The following MTR variants were observed in gnomAD, a reference collection of about 807,000 sequenced individuals.
MTR encodes the protein 5-methyltetrahydrofolate-homocysteine methyltransferase.
MTR carries 84 observed loss-of-function variants against 154.8 expected under a neutral mutation model. The observed-to-expected ratio is 0.54, with a 90% CI of 0.45 to 0.65. The LOEUF (loss-of-function observed/expected upper bound fraction) is 0.65. Ranked by LOEUF, MTR falls within the 30% of genes least tolerant of loss-of-function variation. MTR has a pLI of 0.00. For synonymous variants in MTR, 554 were observed against 553.9 expected, an observed-to-expected ratio of 1.00 and a Z score of 0.00; for missense variants, 1,275 against 1,570.2, an observed-to-expected ratio of 0.81 and a Z score of 3.18.
At chr1:236,831,891 A>G in intron 12 of MTR, 75 bp from the exon 13 acceptor site, 1 of 1,053,234 alleles carries the variant, frequency 9.5e-7, no homozygotes, top group Non-Finnish European at 1.5e-6. Context: ...TTCTTATTGA[A>G]TACATTTGTG....
In MTR at chr1:236,862,261, A is replaced by G; in HGVS notation, c.2222A>G (p.Lys741Arg). The change falls in exon 21 of 33, where the codon AAG (lysine) becomes AGG (arginine). Residue 741 changes from lysine (K) to arginine (R), a missense_variant. Transcript: ENST00000366577. ...GTTATAAAGTCAGCCCGGGTTATGA[A>G]GAAGGCTGTTGGCCACCTTATCCCT... ...PQVIKSARVM[K>R]KAVGHLIPFM... 1 of 1,614,042 alleles carries G rather than the reference A, an allele frequency of 6.2e-7. No individual in the cohort carries two copies.
chr1:236,849,084 T>C (rs1663751109), intron 15 of MTR, among the ~76,000 whole-genome samples: 2 of 152,238 alleles, frequency 1.3e-5, no homozygotes, highest in South Asian at 4.1e-4. Flanking sequence ...TAATCATTTT[T>C]TAAGAGTAGA....
intron 22 of MTR, among the ~76,000 whole-genome samples, chr1:236,865,096 T>C (rs1159730237): frequency 2.6e-5 from 4 of 152,320 alleles, no homozygotes; most frequent in South Asian, 2.1e-4. Flanking sequence ...CCAGGGAACA[T>C]TGTGGCATTT....
rs991512593 is a variant in MTR, at chr1:236,816,014, G to C, written c.669+351G>C. ...TACCCAACACCTAAGACACCAGACT[G>C]CCAATTTATTAACTCAGTAGGCAGA... On this transcript the variant is annotated intron_variant, in intron 7 of 32. Transcript: ENST00000366577. Among the ~76,000 whole-genome samples, 6 of 152,304 alleles carry C rather than the reference G, an allele frequency of 3.9e-5. No homozygotes were observed. The South Asian group carries it at 1.2e-3, about 32-fold the overall frequency.
chr1:236,850,512 A>T lies in MTR; in HGVS notation c.1684A>T (p.Lys562Ter). 6.2e-7 allele frequency: 1 copy of T among 1,613,626 alleles called. No homozygotes were observed. The highest frequency in any genetic ancestry group is 8.5e-7 in the Non-Finnish European group (1 of 1,179,716). The change falls in exon 16 of 33, where the codon AAA (lysine) becomes TAA (stop). Residue 562 changes from lysine (K) to a stop codon, truncating the protein, a stop_gained. Transcript: ENST00000366577. LOFTEE classifies it high-confidence loss of function. ...TGCCATTAATTTTATCCATGCAACA[A>T]AAGTCATTAAAGTAAGTGTAGGCAT... ...LYAINFIHAT[K>*]VIKETLPGAR... is the part of the protein sequence containing the mutation.
intron 26 of MTR, among the ~76,000 whole-genome samples, chr1:236,885,645 AACACT>A (rs1665971796): frequency 6.6e-6 from 1 of 152,192 alleles, no homozygotes; most frequent in Non-Finnish European, 1.5e-5. Flanking sequence ...CTGACTGCCC[AACACT>A]GACTGTGCAG....
chr1:236,886,467 T>C, intron 27 of MTR, 100 bp downstream of exon 27: 1 of 1,065,762 alleles, frequency 9.4e-7, no homozygotes, highest in South Asian at 1.3e-5. Context: ...AACCAGCAGC[T>C]AACGACTCTC....
chr1:236,830,123 A>G (rs1474049687), intron 12 of MTR, among the ~76,000 whole-genome samples: 2 of 152,214 alleles, frequency 1.3e-5, no homozygotes, highest in Non-Finnish European at 2.9e-5. Context: ...CACAGAATTA[A>G]TCCCAATCAG....
intron 15 of MTR, among the ~76,000 whole-genome samples, chr1:236,847,306 C>T (rs1663637284): frequency 6.6e-6 from 1 of 152,214 alleles, no homozygotes; most frequent in Non-Finnish European, 1.5e-5. Context: ...CTGAAGTTAG[C>T]CCTGTTCGAT....
At chr1:236,894,101 A>G (rs1348886894) in intron 29 of MTR, among the ~76,000 whole-genome samples, 2 of 152,084 alleles carry the variant, frequency 1.3e-5, no homozygotes, top group South Asian at 2.1e-4. Flanking sequence ...TGTCTTGACA[A>G]TTTATGTTAC....
Position 236,795,526 on chromosome 1 carries a change from T to G in MTR, c.-178T>G. 1 of 1,529,014 alleles carries G rather than the reference T, an allele frequency of 6.5e-7. No homozygotes were observed. The highest frequency in any genetic ancestry group is 2.5e-5 in the East Asian group (1 of 40,548). 94.7% of individuals were successfully genotyped at this position (1,529,014 alleles called of 1,614,324 possible). On this transcript the variant is annotated 5_prime_UTR_variant, in exon 1 of 33. Transcript: ENST00000366577. ...AGCCCCGAGAGAGGCCCTAGGGCGC[T>G]GCGGGCTTTCGGGGTCCGCAGTCCC...
intron 8 of MTR, among the ~76,000 whole-genome samples, chr1:236,817,567 T>C (rs1368287407): frequency 6.6e-6 from 1 of 152,142 alleles, no homozygotes; most frequent in Admixed American, 6.5e-5. Context: ...TAGGTACTGG[T>C]ATTAATGTCC....
chr1:236,843,290 G>T (rs965366755), intron 15 of MTR, among the ~76,000 whole-genome samples: 5 of 152,124 alleles, frequency 3.3e-5, no homozygotes, highest in Admixed American at 2.0e-4. Context: ...GGGGAAGAGT[G>T]TTCTTTGCAG....
chr1:236,808,789 C>T lies in MTR; in HGVS notation c.409+16C>T, dbSNP rs1661134007. On this transcript the variant is annotated intron_variant, in intron 4 of 32. Coordinates refer to ENST00000366577, the MANE Select transcript of MTR (RefSeq NM_000254.3). The stretch of plus-strand genomic sequence containing the variant: ...CTCCAGACAGGTAGGGAATGTTCTT[C>T]TCTTTTTTTGCACACGTGGTTCCTT... The T allele has an allele frequency of 1.2e-6, 2 of 1,612,966 alleles. No homozygotes were observed. The highest frequency in any genetic ancestry group is 1.7e-6 in the Non-Finnish European group (2 of 1,179,060).
At chr1:236,825,483 C>T in intron 10 of MTR, 84 bp downstream of exon 10, 1 of 1,342,328 alleles carries the variant, frequency 7.4e-7, no homozygotes, top group Non-Finnish European at 1.1e-6. Flanking sequence ...GGAGAATTTT[C>T]CCTGAAGAAA....
intron 14 of MTR, among the ~76,000 whole-genome samples, chr1:236,837,423 T>A (rs189132372): frequency 6.6e-6 from 1 of 152,318 alleles, no homozygotes; most frequent in African/African-American, 2.4e-5. Flanking sequence ...CCCTGAAATA[T>A]GCTTCCATGG....
At chr1:236,855,414 A>C (rs1664146173) in intron 18 of MTR, among the ~76,000 whole-genome samples, 1 of 152,208 alleles carries the variant, frequency 6.6e-6, no homozygotes, top group Non-Finnish European at 1.5e-5. Flanking sequence ...GATACCATGT[A>C]ATTTACATGG....
chr1:236,870,752 C>T (rs1220369627), intron 22 of MTR, among the ~76,000 whole-genome samples: 1 of 152,196 alleles, frequency 6.6e-6, no homozygotes, highest in Non-Finnish European at 1.5e-5. Flanking sequence ...CTAAAGAAAT[C>T]TCAAATTTAA....
At chr1:236,875,733 A>ATGCAAAAGAAAAGTGTTCCTTT (rs1404604528) in intron 24 of MTR, among the ~76,000 whole-genome samples, 2 of 152,256 alleles carry the variant, frequency 1.3e-5, no homozygotes, top group Non-Finnish European at 2.9e-5. Context: ...GGTTATAGGT[A>ATGCAAAAGAAAAGTGTTCCTTT]TGCAAAAGAA....
Sources: allele counts gnomAD v4.1 joint callset (sites outside exome capture counted in the v4.1 genomes callset), GRCh38; gene constraint gnomAD v4.1.1; transcripts MANE v1.5; gene names NCBI Gene and HGNC (gene_info 2026-07-23, HGNC 2026-07-21).